Variants in PDS5A observed in about 807,000 individuals in gnomAD.
PDS5A encodes the protein PDS5 cohesin associated factor A.
In PDS5A, 42 loss-of-function variants were observed where a neutral mutation model predicts 167.1. That is an observed-to-expected ratio of 0.25 (90% confidence interval 0.20 to 0.33). The LOEUF is 0.33. PDS5A is among the 10% of genes least tolerant of loss of function. The probability of loss-of-function intolerance (pLI) is 1.00; values close to 1 mark genes in which losing one functional copy is unlikely to be tolerated. For synonymous variants in PDS5A, 553 were observed against 554.6 expected, an observed-to-expected ratio of 1.00 and a Z score of 0.04; for missense variants, 1,033 against 1,605.9, an observed-to-expected ratio of 0.64 and a Z score of 6.10.
chr4:39,858,570 T>C (rs564612924), intron 26 of PDS5A, among the ~76,000 whole-genome samples: 3 of 152,182 alleles, frequency 2.0e-5, no homozygotes, highest in Non-Finnish European at 4.4e-5. Flanking sequence ...TTACAATGGA[T>C]CAAAGATCTT....
intron 30 of PDS5A, among the ~76,000 whole-genome samples, chr4:39,843,315 C>T (rs1717232067): frequency 6.6e-6 from 1 of 152,008 alleles, no homozygotes; most frequent in African/African-American, 2.4e-5. Context: ...GGGATCACAG[C>T]CATAAGGCAC....
chr4:39,877,162 A>T lies in PDS5A; in HGVS notation c.1993-9T>A. ...TGTGTAAAAGACAGAACCTGAAAAAACAGATACAGCTTTAGAAGTACAGAC... is the reference window on the plus strand; with the variant it reads ...TGTGTAAAAGACAGAACCTGAAAAATCAGATACAGCTTTAGAAGTACAGAC... On this transcript the variant is annotated splice_polypyrimidine_tract_variant and intron_variant, in intron 18 of 32. Coordinates refer to ENST00000303538, the MANE Select transcript of PDS5A (RefSeq NM_001100399.2). The T allele has an allele frequency of 2.6e-6, 4 of 1,532,858 alleles. No individual in the cohort carries two copies. The highest frequency in any genetic ancestry group is 3.5e-6 in the Non-Finnish European group (4 of 1,134,620). 95.0% of individuals were successfully genotyped at this position (1,532,858 alleles called of 1,614,324 possible).
intron 26 of PDS5A, among the ~76,000 whole-genome samples, chr4:39,861,783 C>T (rs564325438): frequency 1.3e-5 from 2 of 152,180 alleles, no homozygotes; most frequent in South Asian, 2.1e-4. Flanking sequence ...TAAATGTATA[C>T]AATTATTATG....
In PDS5A at chr4:39,829,981, A is replaced by G. The variant is rs982783312; in HGVS notation, c.4011-4493T>C. Among the ~76,000 whole-genome samples, 21 of 132,144 alleles carry G rather than the reference A, an allele frequency of 1.6e-4. No individual in the cohort carries two copies. In the Middle Eastern group the frequency reaches 0.011, roughly 72 times the overall value. 86.7% of individuals were successfully genotyped at this position (132,144 alleles called of 152,430 possible). ...AAAAAAAAAAAAAAAAAAAAAAAAA[A>G]AAAGAAATTTCCAAGCTACCGCCAT... On this transcript the variant is annotated intron_variant, in intron 32 of 32. Coordinates refer to ENST00000303538, the MANE Select transcript of PDS5A (RefSeq NM_001100399.2).
At chr4:39,914,513 A>C (rs1724181870) in intron 8 of PDS5A, among the ~76,000 whole-genome samples, 1 of 152,174 alleles carries the variant, frequency 6.6e-6, no homozygotes, top group East Asian at 1.9e-4. Flanking sequence ...ACGACACTAC[A>C]GAATTTCATG....
chr4:39,962,855 T>C (rs981565463), intron 2 of PDS5A, among the ~76,000 whole-genome samples: 4 of 151,888 alleles, frequency 2.6e-5, no homozygotes, highest in Admixed American at 2.6e-4. Flanking sequence ...CCAGCTACTT[T>C]GGAGGCTGAG....
intron 2 of PDS5A, among the ~76,000 whole-genome samples, chr4:39,960,064 G>C (rs1383437777): frequency 6.6e-6 from 1 of 152,154 alleles, no homozygotes; most frequent in African/African-American, 2.4e-5. Context: ...CTGCACTCCA[G>C]CCTGGGCAAC....
At chr4:39,882,098 C>T (rs1159873669) in intron 17 of PDS5A, among the ~76,000 whole-genome samples, 2 of 151,902 alleles carry the variant, frequency 1.3e-5, no homozygotes, top group Non-Finnish European at 2.9e-5. Context: ...TATAAATTAC[C>T]CAGTCTGGGT....
rs1359526256 is a variant in PDS5A at position 39,841,987 on chromosome 4, T to C, written c.3618A>G (p.Ser1206=). 4 of 1,606,228 alleles carry C rather than the reference T, an allele frequency of 2.5e-6. No individual in the cohort carries two copies. The highest frequency in any genetic ancestry group is 3.4e-6 in the Non-Finnish European group (4 of 1,172,900). The change falls in exon 31 of 33, where the codon TCA becomes TCG. Residue 1206 remains serine (S), a synonymous_variant. Coordinates refer to ENST00000303538, the MANE Select transcript of PDS5A (RefSeq NM_001100399.2). The stretch of plus-strand genomic sequence containing the variant: ...GGTCAATATTCTTTACAGGTGTGAC[T>C]GAAATAATCCTCACAGGGTTCTCTT... ...ENEENPVRII[S]VTPVKNIDPV... is the part of the protein sequence containing the mutation.
At chr4:39,832,370 C>T (rs1194183884) in intron 32 of PDS5A, among the ~76,000 whole-genome samples, 3 of 151,744 alleles carry the variant, frequency 2.0e-5, no homozygotes, top group South Asian at 2.1e-4. Context: ...CCTGCCACCA[C>T]GCCTGGCTAA....
chr4:39,924,210 C>A (rs1725262975), intron 5 of PDS5A, among the ~76,000 whole-genome samples: 1 of 152,120 alleles, frequency 6.6e-6, no homozygotes, highest in Non-Finnish European at 1.5e-5. Context: ...CAGATATTGA[C>A]CAGATATCCT....
At chr4:39,898,258 T>C (rs376934899) in intron 16 of PDS5A, 131 bp downstream of exon 16, 2 of 1,331,826 alleles carry the variant, frequency 1.5e-6, no homozygotes, top group East Asian at 2.9e-5. Flanking sequence ...ACAATAGATA[T>C]ACTCCAAAGT....
intron 8 of PDS5A, among the ~76,000 whole-genome samples, chr4:39,914,317 G>A (rs1278599291): frequency 4.6e-5 from 7 of 151,634 alleles, no homozygotes; most frequent in Non-Finnish European, 7.4e-5. Context: ...GCCCACCACC[G>A]CACCAGGCTA....
chr4:39,901,752 A>G (rs1279101262), intron 13 of PDS5A, among the ~76,000 whole-genome samples: 1 of 152,180 alleles, frequency 6.6e-6, no homozygotes, highest in Non-Finnish European at 1.5e-5. Flanking sequence ...TCTTAATGAC[A>G]TCACTCATTT....
chr4:39,825,548 G>A, intron 32 of PDS5A, 60 bp from the exon 33 acceptor site: 15 of 1,233,908 alleles, frequency 1.2e-5, no homozygotes, highest in Middle Eastern at 2.0e-4. Flanking sequence ...TAAACCAAAC[G>A]AAAATGATTT....
At chr4:39,913,242 C>G (rs1724052778) in intron 9 of PDS5A, among the ~76,000 whole-genome samples, 1 of 151,888 alleles carries the variant, frequency 6.6e-6, no homozygotes, top group African/African-American at 2.4e-5. Context: ...CGGTCACCAC[C>G]CCTGGTTAAT....
chr4:39,969,433 G>A (rs1475523312), intron 2 of PDS5A, among the ~76,000 whole-genome samples: 2 of 152,112 alleles, frequency 1.3e-5, no homozygotes, highest in African/African-American at 2.4e-5. Flanking sequence ...TTGGGAGGTC[G>A]AGGTGGGTGG....
chr4:39,910,601 A>G (rs1444748928), intron 9 of PDS5A, among the ~76,000 whole-genome samples: 5 of 152,246 alleles, frequency 3.3e-5, no homozygotes, highest in Admixed American at 1.3e-4. Flanking sequence ...CACATCCTTC[A>G]ACCCAAACTA....
intron 13 of PDS5A, among the ~76,000 whole-genome samples, chr4:39,901,346 C>A (rs565200095): frequency 1.4e-5 from 2 of 147,306 alleles, no homozygotes; most frequent in East Asian, 4.0e-4. Flanking sequence ...CGGCTCACTG[C>A]AACATCTGCC....
Sources: gnomAD v4.1 joint callset for allele counts (sites outside exome capture counted in the v4.1 genomes callset) on GRCh38, gnomAD v4.1.1 for gene constraint, MANE v1.5 for transcripts, NCBI Gene and HGNC (gene_info 2026-07-23, HGNC 2026-07-21) for gene names.